PIK3C2G: variants seen among roughly 807,000 people sequenced by gnomAD.
The protein encoded by PIK3C2G is phosphatidylinositol 3-kinase C2 domain-containing subunit gamma.
In PIK3C2G, 168 loss-of-function variants were observed where a neutral mutation model predicts 181.1. The observed-to-expected ratio is 0.93, with a 90% CI of 0.82 to 1.05. The LOEUF (loss-of-function observed/expected upper bound fraction) is 1.05. PIK3C2G is among the 50% of genes least tolerant of loss of function. PIK3C2G has a pLI of 0.00. For missense variants in PIK3C2G, 1,869 were observed against 1,732.8 expected (o/e 1.08, Z -1.40); for synonymous variants, 573 against 592.2 (o/e 0.97, Z 0.47).
intron 18 of PIK3C2G, among the ~76,000 whole-genome samples, chr12:18,467,819 A>C (rs1370702059): frequency 6.6e-6 from 1 of 151,910 alleles, no homozygotes; most frequent in Non-Finnish European, 1.5e-5. Context: ...ATAGAAAGAG[A>C]AACTAGAGCA....
chr12:18,381,609 C>A (rs1226563360), intron 13 of PIK3C2G, among the ~76,000 whole-genome samples, 157 bp from the exon 14 acceptor site: 1 of 152,194 alleles, frequency 6.6e-6, no homozygotes, highest in Admixed American at 6.5e-5. Context: ...TAATCAGTGT[C>A]TAGGCTGGTG....
intron 18 of PIK3C2G, among the ~76,000 whole-genome samples, chr12:18,428,518 A>G (rs959952722): frequency 2.0e-5 from 3 of 152,148 alleles, no homozygotes; most frequent in African/African-American, 7.2e-5. Context: ...ACCAAGCCCT[A>G]TAACTCTATA....
intron 31 of PIK3C2G, among the ~76,000 whole-genome samples, chr12:18,629,490 G>A (rs1314003630): frequency 6.6e-6 from 1 of 152,142 alleles, no homozygotes; most frequent in Non-Finnish European, 1.5e-5. Context: ...AATTAGAGAT[G>A]AAGTCTCTAA....
At chr12:18,664,202 GAC>G in the PIK3C2G span, among the ~76,000 whole-genome samples, 4 of 152,288 alleles carry the variant, frequency 2.6e-5, no homozygotes, top group South Asian at 2.1e-4. Context: ...GCCACTGTGG[GAC>G]ACAGTTTGGT....
intron 18 of PIK3C2G, among the ~76,000 whole-genome samples, chr12:18,475,088 C>A (rs1367947919): frequency 6.6e-6 from 1 of 151,928 alleles, no homozygotes; most frequent in African/African-American, 2.4e-5. Context: ...AAAGACTTTT[C>A]TAAAGAGGAG....
At chr12:18,374,484 T>G (rs1942296086) in intron 13 of PIK3C2G, among the ~76,000 whole-genome samples, 1 of 152,114 alleles carries the variant, frequency 6.6e-6, no homozygotes, top group African/African-American at 2.4e-5. Flanking sequence ...GATGAAGAAC[T>G]CTATGATGAA....
chr12:18,562,693 A>G lies in PIK3C2G; in HGVS notation c.3591-10A>G. ...TGTCACTCACTATCTTTTCTTTTAC[A>G]TTTCTCTAGGAAAATAAAGGAAAGT... On this transcript the variant is annotated splice_polypyrimidine_tract_variant and intron_variant, in intron 26 of 32. Transcript: ENST00000538779. The G allele has an allele frequency of 6.6e-7, 1 of 1,521,144 alleles. No homozygotes were observed. The highest frequency in any genetic ancestry group is 9.0e-7 in the Non-Finnish European group (1 of 1,109,346). 94.2% of individuals were successfully genotyped at this position (1,521,144 alleles called of 1,614,324 possible).
intron 17 of PIK3C2G, 143 bp downstream of exon 17, chr12:18,421,177 T>G (rs544677158): frequency 3.3e-5 from 14 of 426,526 alleles, no homozygotes; most frequent in Admixed American, 3.0e-4. Flanking sequence ...ACATGGGTAA[T>G]GAAGACATTC....
At chr12:18,598,002 T>G (rs1449036952) in intron 30 of PIK3C2G, among the ~76,000 whole-genome samples, 10 of 151,670 alleles carry the variant, frequency 6.6e-5, no homozygotes, top group Admixed American at 2.6e-4. Flanking sequence ...TAAAAGAGGA[T>G]ACAAACAAAT....
chr12:18,462,858 T>C (rs1036367615), intron 18 of PIK3C2G, among the ~76,000 whole-genome samples: 3 of 152,164 alleles, frequency 2.0e-5, no homozygotes, highest in Non-Finnish European at 4.4e-5. Context: ...CAATATAATC[T>C]ACTCTCTTTA....
At chr12:18,503,533 A>G (rs1941640206) in intron 23 of PIK3C2G, 116 bp downstream of exon 23, 3 of 640,824 alleles carry the variant, frequency 4.7e-6, no homozygotes, top group South Asian at 5.7e-5. Flanking sequence ...TTCTAATTCA[A>G]TCAGCCCAGT....
intron 4 of PIK3C2G, among the ~76,000 whole-genome samples, chr12:18,293,495 G>A (rs1174490635): frequency 1.3e-5 from 2 of 152,092 alleles, no homozygotes; most frequent in Admixed American, 1.3e-4. Flanking sequence ...GGAGCAATAT[G>A]TCTCACTTTG....
intron 26 of PIK3C2G, among the ~76,000 whole-genome samples, chr12:18,556,371 G>T (rs557309959): frequency 6.6e-6 from 1 of 152,206 alleles, no homozygotes; most frequent in East Asian, 1.9e-4. Flanking sequence ...TGAGAGATAG[G>T]AGATGGATTT....
intron 30 of PIK3C2G, among the ~76,000 whole-genome samples, chr12:18,604,710 T>C (rs1947920223): frequency 6.6e-6 from 1 of 152,130 alleles, no homozygotes; most frequent in East Asian, 1.9e-4. Context: ...CAGACTACAA[T>C]GGATTAAAAC....
intron 18 of PIK3C2G, among the ~76,000 whole-genome samples, chr12:18,436,479 G>T (rs1304690194): frequency 1.3e-5 from 2 of 151,962 alleles, no homozygotes; most frequent in Admixed American, 6.6e-5. Flanking sequence ...AGACATTAAG[G>T]GGAGAGTAGA....
intron 30 of PIK3C2G, among the ~76,000 whole-genome samples, chr12:18,607,597 T>C (rs1948098812): frequency 6.6e-6 from 1 of 152,100 alleles, no homozygotes; most frequent in Admixed American, 6.6e-5. Flanking sequence ...CATAAAACCC[T>C]AGAAGAAAAC....
intron 24 of PIK3C2G, among the ~76,000 whole-genome samples, chr12:18,519,473 C>T (rs1942771827): frequency 6.6e-6 from 1 of 151,938 alleles, no homozygotes; most frequent in Non-Finnish European, 1.5e-5. Flanking sequence ...TTATGTAATG[C>T]CCTTCTTTGT....
intron 24 of PIK3C2G, among the ~76,000 whole-genome samples, chr12:18,516,047 T>G (rs1942516569): frequency 1.3e-5 from 2 of 152,112 alleles, no homozygotes; most frequent in South Asian, 4.1e-4. Context: ...TTTGTCTGTG[T>G]ACTCACTTTT....
chr12:18,600,468 T>A (rs532086070), intron 30 of PIK3C2G, among the ~76,000 whole-genome samples: 1 of 151,606 alleles, frequency 6.6e-6, no homozygotes, highest in Non-Finnish European at 1.5e-5. Context: ...CAAAAAAGGA[T>A]AAAGATAAAA....
Sources: allele counts gnomAD v4.1 joint callset (sites outside exome capture counted in the v4.1 genomes callset), GRCh38; gene constraint gnomAD v4.1.1; transcripts MANE v1.5; gene names NCBI Gene and HGNC (gene_info 2026-07-23, HGNC 2026-07-21).